Variants in LRRTM4 observed in about 807,000 individuals in gnomAD.
LRRTM4 encodes the protein leucine-rich repeat transmembrane neuronal protein 4.
A neutral mutation model predicts 47.6 loss-of-function variants in LRRTM4; 25 were observed. The observed-to-expected ratio is 0.53, with a 90% CI of 0.38 to 0.73. The LOEUF is 0.73. Among genes scored for constraint, LRRTM4 ranks in the 30% least tolerant of loss-of-function variants. LRRTM4 has a pLI of 0.00. For missense variants in LRRTM4, 638 were observed against 713.4 expected (o/e 0.89, Z 1.20); for synonymous variants, 311 against 269.5 (o/e 1.15, Z -1.51).
intron 3 of LRRTM4, among the ~76,000 whole-genome samples, chr2:77,218,801 T>A (rs1273420699): frequency 6.6e-6 from 1 of 152,120 alleles, no homozygotes; most frequent in Non-Finnish European, 1.5e-5. Context: ...TTGTGCAAAC[T>A]TTGTGATGCC....
chr2:77,281,444 C>T (rs1265846191), intron 3 of LRRTM4, among the ~76,000 whole-genome samples: 1 of 151,830 alleles, frequency 6.6e-6, no homozygotes, highest in Non-Finnish European at 1.5e-5. Flanking sequence ...TTGCTATCTC[C>T]AAACTTCTGA....
rs1397314502 is a variant in LRRTM4 at position 76,796,288 on chromosome 2, G to A, written c.1552-47372C>T. Among the ~76,000 whole-genome samples, 14 of 74,486 alleles carry A rather than the reference G, an allele frequency of 1.9e-4. No individual in the cohort carries two copies. The East Asian group carries it at 0.011, about 57-fold the overall frequency. The allele number at this position is 74,486 out of a possible 152,430, so 48.9% of individuals were successfully genotyped here. ...CTTGATTAGGTAAACAAAGCAGCCA[G>A]GAAGCTCCAACTGGGTGGAGCCCAC... On this transcript the variant is annotated intron_variant, in intron 3 of 3. Coordinates refer to ENST00000409884, the MANE Select transcript of LRRTM4 (RefSeq NM_001134745.3).
At chr2:76,870,953 T>G (rs1672606614) in intron 3 of LRRTM4, among the ~76,000 whole-genome samples, 1 of 152,200 alleles carries the variant, frequency 6.6e-6, no homozygotes, top group Non-Finnish European at 1.5e-5. Flanking sequence ...TACTAAGCTT[T>G]GCTCTCTGAA....
intron 3 of LRRTM4, among the ~76,000 whole-genome samples, chr2:76,787,761 A>T (rs1674755669): frequency 6.6e-6 from 1 of 152,184 alleles, no homozygotes; most frequent in Admixed American, 6.5e-5. Flanking sequence ...TAAAAACAAT[A>T]TAGATATTCT....
chr2:77,391,284 T>C (rs1252412974), intron 3 of LRRTM4, among the ~76,000 whole-genome samples: 1 of 152,012 alleles, frequency 6.6e-6, no homozygotes. Context: ...ACAAATGGTC[T>C]CTGGAAGGGC....
chr2:76,937,625 G>C (rs960633986), intron 3 of LRRTM4, among the ~76,000 whole-genome samples: 30 of 152,324 alleles, frequency 2.0e-4, no homozygotes, highest in African/African-American at 7.2e-4. Flanking sequence ...CTGGAGTGCA[G>C]TGGTGCGATC....
chr2:77,103,409 T>C (rs1671008660), intron 3 of LRRTM4, among the ~76,000 whole-genome samples: 1 of 151,986 alleles, frequency 6.6e-6, no homozygotes, highest in Admixed American at 6.6e-5. Context: ...AACAACTCAA[T>C]GCAATCTCCA....
chr2:77,062,930 TGTTC>T (rs902330827), intron 3 of LRRTM4, among the ~76,000 whole-genome samples: 8 of 140,082 alleles, frequency 5.7e-5, no homozygotes, highest in African/African-American at 2.1e-4. Context: ...CAGTTCCTCT[TGTTC>T]TTTTTTAAAA....
At chr2:76,805,480 G>A (rs1675920647) in intron 3 of LRRTM4, among the ~76,000 whole-genome samples, 1 of 152,150 alleles carries the variant, frequency 6.6e-6, no homozygotes, top group African/African-American at 2.4e-5. Flanking sequence ...AAGATTTGCT[G>A]TAGTGACAAA....
intron 3 of LRRTM4, among the ~76,000 whole-genome samples, chr2:77,502,440 G>C (rs555244089): frequency 1.2e-3 from 187 of 151,350 alleles, no homozygotes; most frequent in Non-Finnish European, 2.3e-3. Flanking sequence ...CTATAGCTTT[G>C]AACTTTAGTG....
chr2:77,232,126 G>A (rs1191646485), intron 3 of LRRTM4, among the ~76,000 whole-genome samples: 2 of 152,076 alleles, frequency 1.3e-5, no homozygotes. Flanking sequence ...GCACACATTG[G>A]GTGGTAAGAC....
intron 3 of LRRTM4, among the ~76,000 whole-genome samples, chr2:77,021,130 C>CTATCTA (rs781174034): frequency 6.6e-6 from 1 of 150,888 alleles, no homozygotes; most frequent in Non-Finnish European, 1.5e-5. Flanking sequence ...ATCTATCTAT[C>CTATCTA]TAGCCTTATC....
intron 3 of LRRTM4, among the ~76,000 whole-genome samples, chr2:77,287,112 T>G (rs993447618): frequency 2.0e-5 from 3 of 152,056 alleles, no homozygotes; most frequent in Non-Finnish European, 4.4e-5. Context: ...TATCATTCAC[T>G]GGGTGTGGAA....
At chr2:76,799,109 G>C (rs1675519730) in intron 3 of LRRTM4, among the ~76,000 whole-genome samples, 1 of 146,364 alleles carries the variant, frequency 6.8e-6, no homozygotes, top group South Asian at 2.3e-4. Flanking sequence ...TATGAGGCCA[G>C]CATCATTCTG....
intron 3 of LRRTM4, among the ~76,000 whole-genome samples, chr2:76,774,181 T>C (rs1383814570): frequency 1.3e-5 from 2 of 151,472 alleles, no homozygotes; most frequent in Non-Finnish European, 3.0e-5. Flanking sequence ...AAGGGAACTT[T>C]TTTTTTTTTT....
intron 3 of LRRTM4, among the ~76,000 whole-genome samples, chr2:77,487,373 A>G (rs992050577): frequency 6.6e-6 from 1 of 152,184 alleles, no homozygotes; most frequent in Non-Finnish European, 1.5e-5. Flanking sequence ...TTTCAGAGTA[A>G]AGTTGTGGCC....
chr2:76,830,721 A>G (rs1460356174), intron 3 of LRRTM4, among the ~76,000 whole-genome samples: 1 of 152,042 alleles, frequency 6.6e-6, no homozygotes, highest in Non-Finnish European at 1.5e-5. Context: ...AATGTTATAA[A>G]TTAACACTGG....
chr2:77,008,456 A>G (rs17013599), intron 3 of LRRTM4, among the ~76,000 whole-genome samples: 63,212 of 151,986 alleles, frequency 0.42, 13,264 homozygotes, highest in East Asian at 0.52. Context: ...AAGCCAGCAT[A>G]ACTGTAGATA....
At chr2:77,044,680 C>T (rs980085132) in intron 3 of LRRTM4, among the ~76,000 whole-genome samples, 10 of 151,386 alleles carry the variant, frequency 6.6e-5, no homozygotes, top group Non-Finnish European at 1.5e-4. Context: ...CATATACACA[C>T]ATATTACAAA....
Sources: allele counts gnomAD v4.1 joint callset (sites outside exome capture counted in the v4.1 genomes callset), GRCh38; gene constraint gnomAD v4.1.1; transcripts MANE v1.5; gene names NCBI Gene and HGNC (gene_info 2026-07-23, HGNC 2026-07-21).